Variants in SYNE1 observed in about 807,000 individuals in gnomAD.
SYNE1 encodes the protein spectrin repeat containing nuclear envelope protein 1.
SYNE1 carries 616 observed loss-of-function variants against 1,111.0 expected under a neutral mutation model. The observed-to-expected ratio is 0.55, with a 90% CI of 0.52 to 0.59. The LOEUF is 0.59. Ranked by LOEUF, SYNE1 falls within the 20% of genes least tolerant of loss-of-function variation. The pLI, the probability that SYNE1 is intolerant of heterozygous loss-of-function variation, is 0.00. For missense variants in SYNE1, 10,006 were observed against 10,417.0 expected, an observed-to-expected ratio of 0.96 and a Z score of 1.72; for synonymous variants, 3,855 against 3,825.8, an observed-to-expected ratio of 1.01 and a Z score of -0.28.
rs1341373387 is a variant in SYNE1, at chr6:152,300,929, G to C, written c.17542-148C>G. The C allele has an allele frequency of 6.4e-6, 7 of 1,099,492 alleles. No individual in the cohort carries two copies. In the East Asian group the frequency reaches 1.8e-4, roughly 28 times the overall value. 68.1% of individuals were successfully genotyped at this position (1,099,492 alleles called of 1,614,324 possible). The stretch of plus-strand genomic sequence containing the variant: ...GAATTCACATATTAATCCTGTGTTA[G>C]TATTTAAAAGTTCTGTCTTCAAGAG... On this transcript the variant is annotated intron_variant, in intron 92 of 145. Coordinates refer to ENST00000367255, the MANE Select transcript of SYNE1 (RefSeq NM_182961.4).
intron 125 of SYNE1, 145 bp downstream of exon 125, chr6:152,207,827 T>C: frequency 1.2e-6 from 1 of 824,820 alleles, no homozygotes; most frequent in Admixed American, 2.0e-5. Context: ...ATTGCAATCA[T>C]TTTGTATATT....
chr6:152,346,758 C>T (rs1303883438), intron 73 of SYNE1, among the ~76,000 whole-genome samples: 1 of 151,976 alleles, frequency 6.6e-6, no homozygotes, highest in Non-Finnish European at 1.5e-5. Context: ...TGCAGTGAGC[C>T]GAGATCGCGC....
intron 3 of SYNE1, among the ~76,000 whole-genome samples, chr6:152,581,890 T>C (rs989447363): frequency 6.6e-6 from 1 of 152,210 alleles, no homozygotes; most frequent in Non-Finnish European, 1.5e-5. Flanking sequence ...TCACTCTTCT[T>C]GTGAACACTA....
chr6:152,387,405 C>CA, intron 53 of SYNE1, 24 bp from the exon 54 acceptor site: 1 of 1,610,036 alleles, frequency 6.2e-7, no homozygotes, highest in Non-Finnish European at 8.5e-7. Flanking sequence ...CACATATTAA[C>CA]AAAAATGAAT....
At chr6:152,292,301 T>C (rs2094643686) in intron 95 of SYNE1, among the ~76,000 whole-genome samples, 1 of 152,186 alleles carries the variant, frequency 6.6e-6, no homozygotes, top group Admixed American at 6.5e-5. Flanking sequence ...TGGTCTTGGA[T>C]AACAAGGGTT....
chr6:152,617,229 T>C (rs1023021015), intron 3 of SYNE1, among the ~76,000 whole-genome samples: 1 of 152,202 alleles, frequency 6.6e-6, no homozygotes, highest in Non-Finnish European at 1.5e-5. Flanking sequence ...CTTGTGCTTT[T>C]TAAAGGGAAG....
intron 127 of SYNE1, among the ~76,000 whole-genome samples, chr6:152,194,683 T>A (rs1309947297): frequency 6.6e-6 from 1 of 152,152 alleles, no homozygotes; most frequent in African/African-American, 2.4e-5. Flanking sequence ...GTAGGCATGT[T>A]TCATTGATTT....
intron 21 of SYNE1, among the ~76,000 whole-genome samples, 190 bp from the exon 22 acceptor site, chr6:152,459,120 T>C (rs1390655299): frequency 6.6e-6 from 1 of 152,192 alleles, no homozygotes; most frequent in Non-Finnish European, 1.5e-5. Context: ...AATAGTGCTG[T>C]ACCACTGAGA....
rs775771199 is a variant in SYNE1, at chr6:152,301,881, G to A, written c.17529C>T (p.Pro5843=). The change falls in exon 92 of 146, where the codon CCC becomes CCT. Residue 5843 remains proline, a synonymous_variant. Transcript: ENST00000367255. ...GELLPTPSAH[P]SVVMMTAGRC... ...ACTGGATCCTTACCATGACCACAGA[G>A]GGGTGGGCCGAAGGCGTGGGGAGGA... 2 of 1,613,530 alleles carry A rather than the reference G, an allele frequency of 1.2e-6. No individual in the cohort carries two copies. Among genetic ancestry groups the A allele is most frequent in the Admixed American group, 1.7e-5 (1 of 60,020 alleles).
intron 101 of SYNE1, among the ~76,000 whole-genome samples, chr6:152,258,722 C>A (rs1431122121): frequency 6.6e-6 from 1 of 151,678 alleles, no homozygotes; most frequent in Non-Finnish European, 1.5e-5. Flanking sequence ...CAATCAAACT[C>A]AGTCTCCTTT....
chr6:152,438,919 T>A (rs1187830518), intron 32 of SYNE1, among the ~76,000 whole-genome samples: 3 of 152,202 alleles, frequency 2.0e-5, no homozygotes, highest in Non-Finnish European at 4.4e-5. Flanking sequence ...TGACTAAAGA[T>A]GTGGGCTCTG....
chr6:152,516,831 C>A (rs2099114610), intron 6 of SYNE1, among the ~76,000 whole-genome samples: 1 of 152,160 alleles, frequency 6.6e-6, no homozygotes, highest in Non-Finnish European at 1.5e-5. Flanking sequence ...AGCCATTCAC[C>A]TACCCTTCCC....
chr6:152,589,500 G>A (rs935309071), intron 3 of SYNE1, among the ~76,000 whole-genome samples: 19 of 152,028 alleles, frequency 1.2e-4, no homozygotes, highest in African/African-American at 3.1e-4. Context: ...GATCTAAACC[G>A]GTAGAAGTGC....
chr6:152,284,076 G>T lies in SYNE1; in HGVS notation c.18109C>A (p.Pro6037Thr), dbSNP rs1164197494. Residue 6037 changes from proline to threonine, a missense_variant, in exon 96 of 146, where the codon CCT (proline) becomes ACT (threonine). Physicochemically the swap from Pro to Thr is conservative, Grantham distance 38 (BLOSUM62 -1). Around this residue, in one of 7 missense-constraint regions of SYNE1, gnomAD observed 4,955 missense variants for 5,017.2 expected, o/e 0.99. Transcript: ENST00000367255. ...GACTGCAAGGCCAGCTGCTCCGCAG[G>T]GTCGGCCTCACAAGACTCGGATACC... is the stretch of plus-strand genomic sequence containing the variant. ...ELVSESCEAD[P>T]AEQLALQSTL... is the part of the protein sequence containing the mutation. 2.5e-6 allele frequency: 4 copies of T among 1,614,142 alleles called. No homozygotes were observed. Among genetic ancestry groups the T allele is most frequent in the Non-Finnish European group, 3.4e-6 (4 of 1,179,998 alleles).
intron 3 of SYNE1, among the ~76,000 whole-genome samples, chr6:152,579,915 T>G (rs548614007): frequency 5.3e-5 from 8 of 152,334 alleles, no homozygotes; most frequent in Non-Finnish European, 1.0e-4. Flanking sequence ...CTTTGCCCAG[T>G]CCATCATCGA....
At chr6:152,465,682 TA>T (rs749335034) in intron 17 of SYNE1, among the ~76,000 whole-genome samples, 3 of 152,112 alleles carry the variant, frequency 2.0e-5, no homozygotes, top group Non-Finnish European at 4.4e-5. Flanking sequence ...TGGTAATCCT[TA>T]ACGTATTCTA....
chr6:152,340,895 G>C (rs932408252), intron 74 of SYNE1, among the ~76,000 whole-genome samples: 1 of 152,178 alleles, frequency 6.6e-6, no homozygotes, highest in Non-Finnish European at 1.5e-5. Context: ...GGCCTGACAG[G>C]GGGTGGTGGC....
chr6:152,283,547 G>C (rs2153730403), intron 96 of SYNE1, among the ~76,000 whole-genome samples: 1 of 152,174 alleles, frequency 6.6e-6, no homozygotes, highest in South Asian at 2.1e-4. Flanking sequence ...TTGTTTGTTT[G>C]CTTTTTTGAG....
In SYNE1 at chr6:152,430,694, T is replaced by C. The variant is rs139544072; in HGVS notation, c.4477A>G (p.Ile1493Val). 283 of 1,614,052 alleles carry C rather than the reference T, an allele frequency of 1.8e-4. 1 individual carries two copies. Among genetic ancestry groups the C allele is most frequent in the Admixed American group, 6.2e-4 (37 of 60,012 alleles). The change falls in exon 35 of 146, where the codon ATA (isoleucine) becomes GTA (valine). Residue 1493 changes from isoleucine to valine, a missense_variant. Ile to Val is a conservative substitution (Grantham distance 29). This residue lies in a region of SYNE1 where 1,971 missense variants were observed against 2,084.1 expected (regional missense o/e 0.95). Coordinates refer to ENST00000367255, the MANE Select transcript of SYNE1 (RefSeq NM_182961.4). Reference protein sequence around the residue: ...ISQIKVTIQEIESKLSSIVGL... With the variant: ...ISQIKVTIQEVESKLSSIVGL... ...ACAATGCTGCTGAGCTTACTTTCTA[T>C]TTCCTGAATTGTGACCTAATAGTTA...
Sources: gnomAD v4.1 joint callset for allele counts (sites outside exome capture counted in the v4.1 genomes callset) on GRCh38, gnomAD v4.1.1 for gene constraint, gnomAD v4.1.1 regional missense constraint, MANE v1.5 for transcripts, NCBI Gene and HGNC (gene_info 2026-07-23, HGNC 2026-07-21) for gene names.